The following SERPINB12 variants were observed in gnomAD, a reference collection of about 807,000 sequenced individuals.
The protein encoded by SERPINB12 is serpin B12.
A neutral mutation model predicts 41.1 loss-of-function variants in SERPINB12; 57 were observed. The observed-to-expected ratio is 1.39, with a 90% CI of 1.12 to 1.73. The LOEUF (loss-of-function observed/expected upper bound fraction) is 1.73, where lower values mean the gene tolerates loss of function less well. SERPINB12 is among the 40% of genes most tolerant of loss of function. SERPINB12 has a pLI of 0.00. For missense variants in SERPINB12, 536 were observed against 501.9 expected (o/e 1.07, Z -0.65); for synonymous variants, 180 against 181.3 (o/e 0.99, Z 0.06).
Position 63,566,740 on chromosome 18 carries a change from A to G in SERPINB12, c.1007A>G (p.Asp336Gly), listed in dbSNP as rs901114536. The G allele has an allele frequency of 1.9e-6, 3 of 1,614,012 alleles. No individual in the cohort carries two copies. Among genetic ancestry groups the G allele is most frequent in the East Asian group, 2.2e-5 (1 of 44,896 alleles). The part of the protein sequence containing the change: ...DSYDLNSILQ[D>G]MGITDIFDET... ...TATGATCTCAATTCCATTTTACAAG[A>G]CATGGGCATTACGGATATCTTTGAT... is the stretch of plus-strand genomic sequence containing the variant. The change falls in exon 8 of 8, where the codon GAC (aspartate) becomes GGC (glycine). Residue 336 changes from aspartate to glycine, a missense_variant. Asp to Gly is a moderately conservative substitution (Grantham distance 94). Coordinates refer to ENST00000382768, the MANE Select transcript of SERPINB12 (RefSeq NM_001307928.2).
At chr18:63,554,607 T>C (rs1910615462) in intron 1 of SERPINB12, among the ~76,000 whole-genome samples, 1 of 152,238 alleles carries the variant, frequency 6.6e-6, no homozygotes, top group Non-Finnish European at 1.5e-5. Context: ...GGCATTTCAT[T>C]TGAAAGGCAT....
chr18:63,528,512 C>T, the SERPINB12 span, among the ~76,000 whole-genome samples: 2 of 151,992 alleles, frequency 1.3e-5, no homozygotes, highest in African/African-American at 2.4e-5. Context: ...TAATTTTGGC[C>T]ATCTTGTGCC....
intron 4 of SERPINB12, among the ~76,000 whole-genome samples, chr18:63,560,494 C>A (rs1427852774): frequency 6.6e-6 from 1 of 152,130 alleles, no homozygotes; most frequent in East Asian, 1.9e-4. Context: ...GCTATAAATT[C>A]ATATATTAAA....
intron 1 of SERPINB12, among the ~76,000 whole-genome samples, chr18:63,544,682 A>C (rs1295412746): frequency 2.6e-5 from 4 of 152,190 alleles, no homozygotes; most frequent in Non-Finnish European, 5.9e-5. Flanking sequence ...GAAAGAACTA[A>C]GGGCTTTGGA....
chr18:63,538,663 G>A (rs1049499235), upstream of SERPINB12, among the ~76,000 whole-genome samples: 10 of 152,048 alleles, frequency 6.6e-5, no homozygotes, highest in Admixed American at 2.6e-4. Context: ...TTGTGTACAA[G>A]CTTTTGTGTG....
chr18:63,562,120 G>C (rs184637595), intron 5 of SERPINB12, among the ~76,000 whole-genome samples: 8 of 152,276 alleles, frequency 5.3e-5, no homozygotes, highest in Admixed American at 5.2e-4. Context: ...CTCTGGTCTT[G>C]CTGGCTCTGG....
chr18:63,533,169 G>T, the SERPINB12 span, among the ~76,000 whole-genome samples: 1 of 152,016 alleles, frequency 6.6e-6, no homozygotes, highest in Non-Finnish European at 1.5e-5. Context: ...GTAGAGACGG[G>T]GTTTCACCAT....
the SERPINB12 span, among the ~76,000 whole-genome samples, chr18:63,533,667 G>T: frequency 6.6e-6 from 1 of 152,270 alleles, no homozygotes; most frequent in Non-Finnish European, 1.5e-5. Context: ...AGATTAGTTT[G>T]CACAACACTA....
In SERPINB12 at chr18:63,564,243, T is replaced by A. The variant is rs1468608433; in HGVS notation, c.705+123T>A. On this transcript the variant is annotated intron_variant, in intron 6 of 7. Transcript: ENST00000382768. Reference sequence around the variant, plus strand: ...TTACAATAAGAACATTTTTCGTTGATAAGAACCAGTACCTGAATTTCATTG... The same window carrying A: ...TTACAATAAGAACATTTTTCGTTGAAAAGAACCAGTACCTGAATTTCATTG... 11 of 962,780 alleles carry A rather than the reference T, an allele frequency of 1.1e-5. No homozygotes were observed. The Admixed American group carries it at 2.7e-4, about 24-fold the overall frequency. The allele number at this position is 962,780 out of a possible 1,614,324, so 59.6% of individuals were successfully genotyped here.
At chr18:63,550,858 A>G (rs1369623882) in intron 1 of SERPINB12, among the ~76,000 whole-genome samples, 1 of 152,168 alleles carries the variant, frequency 6.6e-6, no homozygotes, top group African/African-American at 2.4e-5. Flanking sequence ...TACTGTCCCT[A>G]CCTGTGGCTA....
chr18:63,537,537 C>T (rs182354251), upstream of SERPINB12, among the ~76,000 whole-genome samples: 185 of 152,230 alleles, frequency 1.2e-3, 1 homozygote, highest in African/African-American at 4.4e-3. Flanking sequence ...TAATTCTACA[C>T]CCATATTTCT....
At chr18:63,543,209 T>G (rs1910311209) in intron 1 of SERPINB12, among the ~76,000 whole-genome samples, 1 of 152,168 alleles carries the variant, frequency 6.6e-6, no homozygotes, top group Admixed American at 6.5e-5. Flanking sequence ...GAAAAATGTT[T>G]ATTGTATCTA....
intron 1 of SERPINB12, among the ~76,000 whole-genome samples, chr18:63,552,509 A>C (rs749939084): frequency 6.6e-6 from 1 of 152,218 alleles, no homozygotes; most frequent in Non-Finnish European, 1.5e-5. Flanking sequence ...TGCCTATTTG[A>C]ATCTGTGTTA....
chr18:63,547,083 A>T (rs539892507), intron 1 of SERPINB12, among the ~76,000 whole-genome samples: 5 of 152,308 alleles, frequency 3.3e-5, no homozygotes, highest in Non-Finnish European at 2.9e-5. Flanking sequence ...TCAAATACTT[A>T]AAAAAAGTGA....
chr18:63,522,304 G>A, the SERPINB12 span, among the ~76,000 whole-genome samples: 30 of 152,240 alleles, frequency 2.0e-4, no homozygotes, highest in African/African-American at 7.0e-4. Context: ...ACTTGCAATT[G>A]TATCCTTTTA....
chr18:63,525,820 C>T, the SERPINB12 span, among the ~76,000 whole-genome samples: 1 of 151,992 alleles, frequency 6.6e-6, no homozygotes, highest in Non-Finnish European at 1.5e-5. Flanking sequence ...CATTTATCAC[C>T]CAAGTAAGAA....
At chr18:63,565,943 C>G (rs910612418) in intron 7 of SERPINB12, among the ~76,000 whole-genome samples, 5 of 152,116 alleles carry the variant, frequency 3.3e-5, no homozygotes, top group Non-Finnish European at 7.3e-5. Flanking sequence ...TGGCCTCTTA[C>G]TCATACCATT....
At chr18:63,540,760 A>G (rs771497598), upstream of SERPINB12, among the ~76,000 whole-genome samples, 1 of 152,230 alleles carries the variant, frequency 6.6e-6, no homozygotes, top group Non-Finnish European at 1.5e-5. Flanking sequence ...AACTTTGTAT[A>G]TAAATTAGAA....
At chr18:63,532,112 G>A in the SERPINB12 span, among the ~76,000 whole-genome samples, 1 of 152,126 alleles carries the variant, frequency 6.6e-6, no homozygotes, top group African/African-American at 2.4e-5. Flanking sequence ...TCATACTTTT[G>A]CCTCCTTGTA....
Sources: gnomAD v4.1 joint callset for allele counts (sites outside exome capture counted in the v4.1 genomes callset) on GRCh38, gnomAD v4.1.1 for gene constraint, MANE v1.5 for transcripts, NCBI Gene and HGNC (gene_info 2026-07-23, HGNC 2026-07-21) for gene names.